CNKSR2: variants seen among roughly 807,000 people sequenced by gnomAD.
The protein encoded by CNKSR2 is connector enhancer of kinase suppressor of Ras 2, also known as CNK homolog protein 2.
A neutral mutation model predicts 84.4 loss-of-function variants in CNKSR2; 14 were observed. The ratio of observed to expected loss-of-function variants is 0.17; its 90% confidence interval spans 0.11 to 0.26. CNKSR2 has a LOEUF of 0.26. CNKSR2 is among the 10% of genes least tolerant of loss of function. The probability of loss-of-function intolerance (pLI) is 1.00; values close to 1 mark genes in which losing one functional copy is unlikely to be tolerated. For missense variants in CNKSR2, 485 were observed against 771.2 expected (o/e 0.63, Z 4.40); for synonymous variants, 275 against 277.9 (o/e 0.99, Z 0.10).
At chrX:21,553,559 C>T (rs1296054645) in intron 11 of CNKSR2, among the ~76,000 whole-genome samples, 2 of 109,571 alleles carry the variant, frequency 1.8e-5, no homozygotes, top group Admixed American at 2.0e-4. Flanking sequence ...TTTGGTCTGT[C>T]TGAAGTTTTT....
intron 13 of CNKSR2, among the ~76,000 whole-genome samples, chrX:21,575,986 A>G (rs1239417591): frequency 1.8e-5 from 2 of 112,120 alleles, no homozygotes; most frequent in South Asian, 3.7e-4. Context: ...AAGATTTACA[A>G]TTAAGGTTGG....
intron 2 of CNKSR2, among the ~76,000 whole-genome samples, chrX:21,431,689 G>C (rs1313707758): frequency 8.9e-6 from 1 of 111,806 alleles, no homozygotes; most frequent in Non-Finnish European, 1.9e-5. Flanking sequence ...ACAATTAGCT[G>C]CTTTACATTT....
chrX:21,501,464 C>A, intron 7 of CNKSR2, 56 bp from the exon 8 acceptor site: 8 of 721,080 alleles, frequency 1.1e-5, no homozygotes, highest in Non-Finnish European at 1.4e-5. Flanking sequence ...TTTCCAGAGA[C>A]AGGAAATGAC....
intron 18 of CNKSR2, among the ~76,000 whole-genome samples, chrX:21,604,847 G>A (rs1024042272): frequency 5.4e-5 from 6 of 111,159 alleles, no homozygotes; most frequent in African/African-American, 2.0e-4. Context: ...CAGGCCCCAG[G>A]ACTCCAGATT....
intron 20 of CNKSR2, among the ~76,000 whole-genome samples, chrX:21,638,968 C>T: frequency 8.9e-6 from 1 of 111,987 alleles, no homozygotes; most frequent in Middle Eastern, 4.6e-3. Flanking sequence ...AGGCATGAGC[C>T]ACTGTGCCCA....
chrX:21,571,804 A>G (rs773609813), intron 13 of CNKSR2, among the ~76,000 whole-genome samples: 1 of 112,479 alleles, frequency 8.9e-6, no homozygotes, highest in South Asian at 3.7e-4. Context: ...ACCTGCAGTT[A>G]TAAAGGTTGG....
At chrX:21,433,230 A>G (rs189201731) in intron 3 of CNKSR2, among the ~76,000 whole-genome samples, 43 of 111,725 alleles carry the variant, frequency 3.8e-4, no homozygotes, top group African/African-American at 1.4e-3. Context: ...ACACCTTCAT[A>G]GCATGCCTTG....
chrX:21,487,535 C>T (rs938423118), intron 5 of CNKSR2, among the ~76,000 whole-genome samples: 6 of 111,842 alleles, frequency 5.4e-5, no homozygotes, highest in African/African-American at 2.0e-4. Context: ...ATACTGACTT[C>T]GTACCCTTCA....
intron 5 of CNKSR2, among the ~76,000 whole-genome samples, chrX:21,472,811 C>T (rs2091214350): frequency 9.0e-6 from 1 of 110,667 alleles, no homozygotes; most frequent in Non-Finnish European, 1.9e-5. Context: ...GAAAGAAATA[C>T]TGTGGGATTT....
intron 11 of CNKSR2, among the ~76,000 whole-genome samples, chrX:21,546,327 T>C (rs979587926): frequency 1.5e-4 from 16 of 108,112 alleles, no homozygotes; most frequent in African/African-American, 5.4e-4. Context: ...ATATCAGAGA[T>C]TGAAGATCAA....
chrX:21,617,295 C>T (rs751157537), intron 20 of CNKSR2, among the ~76,000 whole-genome samples: 1 of 111,346 alleles, frequency 9.0e-6, no homozygotes, highest in East Asian at 2.8e-4. Flanking sequence ...CTTGCTCACC[C>T]TTGCCAGAGA....
chrX:21,511,513 A>G (rs1248296103), intron 8 of CNKSR2, among the ~76,000 whole-genome samples: 1 of 110,240 alleles, frequency 9.1e-6, no homozygotes, highest in Non-Finnish European at 1.9e-5. Flanking sequence ...TGAGATTCAC[A>G]TGAGGAAAAT....
At chrX:21,484,714 G>A (rs749859941) in intron 5 of CNKSR2, among the ~76,000 whole-genome samples, 4 of 111,367 alleles carry the variant, frequency 3.6e-5, no homozygotes, top group Non-Finnish European at 7.5e-5. Context: ...ATTTGTTCCA[G>A]TATACTTGGA....
chrX:21,507,894 A>T (rs1164731765), intron 8 of CNKSR2, among the ~76,000 whole-genome samples: 1 of 111,885 alleles, frequency 8.9e-6, no homozygotes, highest in Non-Finnish European at 1.9e-5. Flanking sequence ...GGTGACTGGG[A>T]GTCTTTTCTT....
chrX:21,470,584 T>G (rs1055964387), intron 4 of CNKSR2, 182 bp from the exon 5 acceptor site: 1 of 245,432 alleles, frequency 4.1e-6, no homozygotes, highest in Non-Finnish European at 7.4e-6. Flanking sequence ...TAGCCTCTGT[T>G]ACTGACCATC....
intron 13 of CNKSR2, among the ~76,000 whole-genome samples, chrX:21,587,251 A>G (rs187533211): frequency 8.9e-6 from 1 of 112,009 alleles, no homozygotes; most frequent in East Asian, 2.8e-4. Flanking sequence ...ATACCCAGCC[A>G]AACTATTATT....
Position 21,609,438 on chromosome X carries a change from A to G in CNKSR2, c.2513A>G (p.Asn838Ser), listed in dbSNP as rs942789183. 8.3e-7 allele frequency: 1 copy of G among 1,211,081 alleles called. No homozygotes were observed. The highest frequency in any genetic ancestry group is 1.7e-5 in the African/African-American group (1 of 57,588). The stretch of plus-strand genomic sequence containing the variant: ...GAGAGGATGCAAGTGCTAAATGGAA[A>G]TGGGGGCAAGCCTCGAAGTTTTACT... Reference protein sequence around the residue: ...ESERMQVLNGNGGKPRSFTLP... With the variant: ...ESERMQVLNGSGGKPRSFTLP... Residue 838 changes from asparagine to serine, a missense_variant, in exon 20 of 22, where the codon AAT (asparagine) becomes AGT (serine). Physicochemically the swap from Asn to Ser is conservative, Grantham distance 46. Coordinates refer to ENST00000379510, the MANE Select transcript of CNKSR2 (RefSeq NM_014927.5).
intron 11 of CNKSR2, among the ~76,000 whole-genome samples, chrX:21,543,845 C>A: frequency 9.2e-6 from 1 of 109,065 alleles, no homozygotes; most frequent in East Asian, 2.9e-4. Flanking sequence ...TTTTTTGAGA[C>A]AGGGTCTTGC....
At chrX:21,544,207 G>A (rs2092001378) in intron 11 of CNKSR2, among the ~76,000 whole-genome samples, 1 of 111,967 alleles carries the variant, frequency 8.9e-6, no homozygotes, top group African/African-American at 3.3e-5. Flanking sequence ...AGTTAAATAT[G>A]AGTAGAGCTT....
Sources: allele counts gnomAD v4.1 joint callset (sites outside exome capture counted in the v4.1 genomes callset), GRCh38; gene constraint gnomAD v4.1.1; transcripts MANE v1.5; gene names NCBI Gene and HGNC (gene_info 2026-07-23, HGNC 2026-07-21).